ASIC2: variants seen among roughly 807,000 people sequenced by gnomAD.
ASIC2 encodes the protein acid sensing ion channel subunit 2.
In ASIC2, 25 loss-of-function variants were observed where a neutral mutation model predicts 57.3. That is an observed-to-expected ratio of 0.44 (90% CI 0.32 to 0.61). The LOEUF is 0.61. Ranked by LOEUF, ASIC2 falls within the 20% of genes least tolerant of loss-of-function variation. The probability of loss-of-function intolerance (pLI) is 0.06; values close to 1 mark genes in which losing one functional copy is unlikely to be tolerated. For missense variants in ASIC2, 641 were observed against 738.1 expected (o/e 0.87, Z 1.52); for synonymous variants, 319 against 307.5 (o/e 1.04, Z -0.39).
At chr17:34,020,202 C>T (rs189409478) in intron 1 of ASIC2, among the ~76,000 whole-genome samples, 5 of 152,238 alleles carry the variant, frequency 3.3e-5, no homozygotes, top group Admixed American at 2.0e-4. Context: ...GTGTATTTTG[C>T]CCTGTTTTCC....
At position 33,200,758 on chromosome 17, in the gene ASIC2, A is replaced by C. The variant is rs1597626911; in HGVS notation, c.709-88691T>G. Among the ~76,000 whole-genome samples the C allele has an allele frequency of 3.9e-5, 6 of 152,244 alleles. 1 individual carries two copies. The highest frequency in any genetic ancestry group is 3.9e-4 in the Admixed American group (6 of 15,304). On this transcript the variant is annotated intron_variant, in intron 1 of 9. Coordinates refer to ENST00000225823, the MANE Select transcript of ASIC2 (RefSeq NM_183377.2). ...TTGCCCCCTGCAGTTTATTCCCAGC[A>C]CAGCAGTCAGAGTGATCCTGTGAAA... is the stretch of plus-strand genomic sequence containing the variant.
At chr17:33,273,672 C>G (rs1409602719) in intron 1 of ASIC2, among the ~76,000 whole-genome samples, 3 of 152,176 alleles carry the variant, frequency 2.0e-5, no homozygotes, top group African/African-American at 7.2e-5. Flanking sequence ...TTCATTTCGC[C>G]CTCACAACTG....
rs367966172 is a variant in ASIC2, at chr17:33,160,083, C to A, written c.709-48016G>T. On this transcript the variant is annotated intron_variant, in intron 1 of 9. Transcript: ENST00000225823. ...AATTAGCCAGGCATGGTGGTGCACA[C>A]CTGTAATCCCAGCCAGTTGGGAGGC... Among the ~76,000 whole-genome samples the A allele has an allele frequency of 5.5e-4, 84 of 152,154 alleles. 2 individuals are homozygous for A. The South Asian group carries it at 0.017, about 31-fold the overall frequency.
chr17:33,831,926 T>C (rs1392335662), intron 1 of ASIC2, among the ~76,000 whole-genome samples: 1 of 152,228 alleles, frequency 6.6e-6, no homozygotes, highest in Non-Finnish European at 1.5e-5. Context: ...TCAGCCCCCA[T>C]GTCTCTTCCT....
intron 3 of ASIC2, among the ~76,000 whole-genome samples, chr17:33,040,439 GTA>G (rs2091925363): frequency 6.6e-6 from 1 of 152,208 alleles, no homozygotes; most frequent in South Asian, 2.1e-4. Flanking sequence ...TCAGCCTAAT[GTA>G]TCTGCTCCAC....
At chr17:34,039,662 C>T in intron 1 of ASIC2, 3 of 1,612,816 alleles carry the variant, frequency 1.9e-6, no homozygotes, top group South Asian at 1.1e-5. Flanking sequence ...TGGCTACTTT[C>T]ATATGGTTCA....
intron 1 of ASIC2, among the ~76,000 whole-genome samples, chr17:33,824,420 C>G (rs1019856433): frequency 2.6e-5 from 4 of 151,490 alleles, no homozygotes; most frequent in African/African-American, 9.7e-5. Flanking sequence ...AACATTTATA[C>G]TTTTATAATT....
At chr17:33,519,540 A>C (rs1241453109) in intron 1 of ASIC2, among the ~76,000 whole-genome samples, 1 of 152,154 alleles carries the variant, frequency 6.6e-6, no homozygotes, top group Non-Finnish European at 1.5e-5. Context: ...GGTTCATGGG[A>C]TCAGACTCTC....
At chr17:33,910,724 C>G (rs1315860219) in intron 1 of ASIC2, among the ~76,000 whole-genome samples, 1 of 152,160 alleles carries the variant, frequency 6.6e-6, no homozygotes, top group Non-Finnish European at 1.5e-5. Context: ...GGAATGACCA[C>G]CTATCATGGA....
At chr17:33,106,330 C>T (rs1324716112) in intron 2 of ASIC2, among the ~76,000 whole-genome samples, 1 of 152,070 alleles carries the variant, frequency 6.6e-6, no homozygotes, top group African/African-American at 2.4e-5. Flanking sequence ...GACATATTAT[C>T]ATGTTAACAC....
chr17:33,023,731 A>C, intron 6 of ASIC2, 130 bp downstream of exon 6: 1 of 1,249,808 alleles, frequency 8.0e-7, no homozygotes, highest in Non-Finnish European at 1.1e-6. Context: ...AGCGTGACAC[A>C]CAGAGGGTGT....
In ASIC2 at chr17:33,485,078, T is replaced by A. The variant is rs182408807; in HGVS notation, c.556-373011A>T. ...TCCTGGGTGAAGCCAAGAACCCTCA[T>A]GGGCTAAGCCCCACTTTGGGGCCCA... On this transcript the variant is annotated intron_variant, in intron 1 of 9. Transcript: ENST00000359872. 1.1e-4 allele frequency among the ~76,000 whole-genome samples: 16 copies of A among 152,366 alleles called. No individual in the cohort carries two copies. In the East Asian group the frequency reaches 3.1e-3, roughly 29 times the overall value.
intron 1 of ASIC2, among the ~76,000 whole-genome samples, chr17:34,131,053 A>G (rs981300): frequency 0.32 from 49,276 of 152,096 alleles, 8,877 homozygotes; most frequent in Middle Eastern, 0.45. Context: ...AGGGAGAGAA[A>G]AAGGAGGAAT....
In ASIC2 at chr17:33,277,378, A is replaced by G. The variant is rs1306078212; in HGVS notation, c.708+14030T>C. Among the ~76,000 whole-genome samples the G allele has an allele frequency of 2.6e-5, 4 of 152,218 alleles. No individual in the cohort carries two copies. The East Asian group carries it at 7.7e-4, about 29-fold the overall frequency. On this transcript the variant is annotated intron_variant, in intron 1 of 9. Transcript: ENST00000225823. ...GACCTGGCTTTGGTACCAGCTGGGT[A>G]ACCTCGGGCAAGTCAATTCTCTTCT...
chr17:33,946,650 G>A (rs1192938883), intron 1 of ASIC2, among the ~76,000 whole-genome samples: 1 of 152,152 alleles, frequency 6.6e-6, no homozygotes, highest in African/African-American at 2.4e-5. Flanking sequence ...GGCAAGAGAG[G>A]GAGCAAAGAG....
At position 33,611,100 on chromosome 17, in the gene ASIC2, G is replaced by T. The variant is rs28526787; in HGVS notation, c.556-499033C>A. On this transcript the variant is annotated intron_variant, in intron 1 of 9. Transcript: ENST00000359872. ...CAACTAATCAGGGAGGTGAGAGAAA[G>T]CTTCTTAGACCTCTGCTTTCCTGCT... is the stretch of plus-strand genomic sequence containing the variant. 3.4e-3 allele frequency among the ~76,000 whole-genome samples: 524 copies of T among 152,260 alleles called. 1 individual carries two copies. Among genetic ancestry groups the T allele is most frequent in the African/African-American group, 0.012 (491 of 41,556 alleles).
At chr17:33,415,176 A>C (rs567915582) in intron 1 of ASIC2, among the ~76,000 whole-genome samples, 19 of 152,312 alleles carry the variant, frequency 1.2e-4, no homozygotes, top group African/African-American at 4.6e-4. Flanking sequence ...CTTGGACTAG[A>C]AGATTTGACA....
chr17:33,929,958 C>G (rs564175567), intron 1 of ASIC2, among the ~76,000 whole-genome samples: 2 of 152,360 alleles, frequency 1.3e-5, no homozygotes, highest in African/African-American at 4.8e-5. Flanking sequence ...ACTTTGCTAA[C>G]TGGTGGTGGG....
intron 1 of ASIC2, among the ~76,000 whole-genome samples, chr17:33,597,990 A>G (rs1371085745): frequency 6.6e-6 from 1 of 152,158 alleles, no homozygotes; most frequent in Non-Finnish European, 1.5e-5. Context: ...TATCTATTTT[A>G]TGTCCCATTA....
Sources: allele counts gnomAD v4.1 joint callset (sites outside exome capture counted in the v4.1 genomes callset), GRCh38; gene constraint gnomAD v4.1.1; transcripts MANE v1.5; gene names NCBI Gene and HGNC (gene_info 2026-07-23, HGNC 2026-07-21).